XPO6: variants seen among roughly 807,000 people sequenced by gnomAD.
XPO6 encodes the protein exportin 6, also known as exportin-6.
XPO6 carries 3 observed loss-of-function variants against 130.0 expected under a neutral mutation model. The ratio of observed to expected loss-of-function variants is 0.02; its 90% CI spans 0.01 to 0.06. The LOEUF (loss-of-function observed/expected upper bound fraction) is 0.06, where lower values mean the gene tolerates loss of function less well. XPO6 is among the 10% of genes least tolerant of loss of function. The pLI, the probability that XPO6 is intolerant of heterozygous loss-of-function variation, is 1.00. For missense variants in XPO6, 970 were observed against 1,393.0 expected, an observed-to-expected ratio of 0.70 and a Z score of 4.83; for synonymous variants, 524 against 548.9, an observed-to-expected ratio of 0.95 and a Z score of 0.63.
rs2043420725 is a variant in XPO6, at chr16:28,169,831, C to T, written c.484G>A (p.Glu162Lys). 6.2e-7 allele frequency: 1 copy of T among 1,614,082 alleles called. No individual in the cohort carries two copies. The highest frequency in any genetic ancestry group is 1.7e-5 in the Admixed American group (1 of 60,004). Residue 162 changes from glutamate to lysine, a missense_variant, in exon 5 of 24, where the codon GAG (glutamate) becomes AAG (lysine). By Grantham distance (56) the Glu-to-Lys change is moderately conservative. Coordinates refer to ENST00000304658, the MANE Select transcript of XPO6 (RefSeq NM_015171.4). Reference protein sequence around the residue: ...TTSEELACPREDLSVARKEEL... With the variant: ...TTSEELACPRKDLSVARKEEL... Reference sequence around the variant, plus strand: ...TCCTTCCGAGCCACACTGAGGTCCTCACGGGGACAAGCCAGCTCTTCTGAA... The same window carrying T: ...TCCTTCCGAGCCACACTGAGGTCCTTACGGGGACAAGCCAGCTCTTCTGAA...
At chr16:28,209,012 G>A (rs906741312) in intron 1 of XPO6, 2 of 152,232 alleles carry the variant, frequency 1.3e-5, no homozygotes, top group Non-Finnish European at 2.9e-5. Flanking sequence ...TCAAAAGGAA[G>A]GAAGCTCTGA....
chr16:28,166,633 T>C (rs755567201), intron 5 of XPO6, 48 bp from the exon 6 acceptor site: 4 of 1,551,542 alleles, frequency 2.6e-6, no homozygotes, highest in Non-Finnish European at 3.5e-6. Context: ...ATGTCCAGCA[T>C]ATAAAAATCA....
intron 1 of XPO6, among the ~76,000 whole-genome samples, chr16:28,205,880 A>G (rs2044020594): frequency 6.6e-6 from 1 of 151,980 alleles, no homozygotes; most frequent in Non-Finnish European, 1.5e-5. Flanking sequence ...TCTACTAAAA[A>G]TACAAAAATT....
chr16:28,156,920 T>C (rs935545143), intron 6 of XPO6, among the ~76,000 whole-genome samples: 1 of 152,140 alleles, frequency 6.6e-6, no homozygotes, highest in Non-Finnish European at 1.5e-5. Flanking sequence ...TTCCCCCAAA[T>C]CATGACCTTG....
At chr16:28,140,762 CCA>C (rs1383869575) in intron 9 of XPO6, among the ~76,000 whole-genome samples, 1 of 151,542 alleles carries the variant, frequency 6.6e-6, no homozygotes, top group Non-Finnish European at 1.5e-5. Flanking sequence ...CTTATATACA[CCA>C]CAGAGATAAG....
intron 13 of XPO6, among the ~76,000 whole-genome samples, chr16:28,122,700 A>G (rs753011109): frequency 6.6e-6 from 1 of 152,060 alleles, no homozygotes; most frequent in Non-Finnish European, 1.5e-5. Context: ...GGGCTTTTCT[A>G]TAAAATTTGA....
Position 28,156,125 on chromosome 16 carries a change from T to G in XPO6, c.1046A>C (p.Lys349Thr). Residue 349 changes from lysine to threonine, a missense_variant, in exon 7 of 24, where the codon AAG becomes ACG. Lys to Thr is a moderately conservative substitution (Grantham distance 78). Coordinates refer to ENST00000304658, the MANE Select transcript of XPO6 (RefSeq NM_015171.4). The stretch of plus-strand genomic sequence containing the variant: ...CTTCACTGTGTGGGCATTGTTATCC[T>G]TGGTGATTTTCTGCAGGAGGTAGAA... ...QTFYLLQKITKDNNAHTVKSR... is the reference protein window; with the variant it reads ...QTFYLLQKITTDNNAHTVKSR... 1.2e-6 allele frequency: 2 copies of G among 1,613,776 alleles called. No individual in the cohort carries two copies.
intron 5 of XPO6, 106 bp from the exon 6 acceptor site, chr16:28,166,691 A>T: frequency 6.6e-7 from 1 of 1,516,164 alleles, no homozygotes; most frequent in Non-Finnish European, 8.8e-7. Flanking sequence ...TGAGTACTTG[A>T]ACATCCCTTT....
rs146256277 is a variant in XPO6 at position 28,151,056 on chromosome 16, C to G, written c.1224+1603G>C. On this transcript the variant is annotated intron_variant, in intron 8 of 23. Coordinates refer to ENST00000304658, the MANE Select transcript of XPO6 (RefSeq NM_015171.4). Reference sequence around the variant, plus strand: ...CTGGGTCCTCTTCTATTTTCACATGCCAAGATCTTCCTTGAGAAAGGACAG... The same window carrying G: ...CTGGGTCCTCTTCTATTTTCACATGGCAAGATCTTCCTTGAGAAAGGACAG... Among the ~76,000 whole-genome samples, 259 of 151,874 alleles carry G rather than the reference C, an allele frequency of 1.7e-3. 2 individuals are homozygous for G. Among genetic ancestry groups the G allele is most frequent in the African/African-American group, 5.5e-3 (228 of 41,418 alleles).
chr16:28,169,094 G>A (rs1031766300), intron 5 of XPO6, among the ~76,000 whole-genome samples: 4 of 152,144 alleles, frequency 2.6e-5, no homozygotes, highest in African/African-American at 7.2e-5. Flanking sequence ...CCAGGCTCCC[G>A]GCACCCTCAG....
intron 1 of XPO6, among the ~76,000 whole-genome samples, chr16:28,186,714 C>CTGG (rs2043702152): frequency 6.7e-6 from 1 of 149,834 alleles, no homozygotes; most frequent in African/African-American, 2.5e-5. Context: ...TGTATCACCC[C>CTGG]AGACTGGAGT....
chr16:28,107,814 T>C, intron 17 of XPO6, 137 bp from the exon 18 acceptor site: 1 of 937,676 alleles, frequency 1.1e-6, no homozygotes. Flanking sequence ...GAACAGTCTC[T>C]TGATTACAAT....
At chr16:28,109,584 C>T (rs1467812385) in intron 17 of XPO6, among the ~76,000 whole-genome samples, 3 of 152,140 alleles carry the variant, frequency 2.0e-5, no homozygotes, top group Non-Finnish European at 2.9e-5. Flanking sequence ...CCTATGGAAA[C>T]AATCAGGCAA....
chr16:28,166,796 C>T (rs1313275811), intron 5 of XPO6: 51 of 985,272 alleles, frequency 5.2e-5, no homozygotes, highest in Non-Finnish European at 5.7e-5. Context: ...TGTGGTGTGG[C>T]CTCTCCCCAC....
intron 6 of XPO6, 107 bp from the exon 7 acceptor site, chr16:28,156,634 A>G (rs1443925553): frequency 6.0e-6 from 4 of 663,988 alleles, no homozygotes; most frequent in Non-Finnish European, 8.9e-6. Context: ...ACATATATGT[A>G]TCAGTTTAGT....
intron 15 of XPO6, among the ~76,000 whole-genome samples, chr16:28,116,792 G>A (rs1176212987): frequency 2.0e-5 from 3 of 152,122 alleles, no homozygotes; most frequent in South Asian, 2.1e-4. Context: ...ATCACAAATC[G>A]CTGTAAGATA....
rs138954839 is a variant in XPO6, at chr16:28,100,656, G to A, written c.3276+802C>T. Among the ~76,000 whole-genome samples, 282 of 152,322 alleles carry A rather than the reference G, an allele frequency of 1.9e-3. 1 individual carries two copies. Among genetic ancestry groups the A allele is most frequent in the African/African-American group, 6.5e-3 (269 of 41,570 alleles). On this transcript the variant is annotated intron_variant, in intron 23 of 23. Coordinates refer to ENST00000304658, the MANE Select transcript of XPO6 (RefSeq NM_015171.4). ...ACCCCAAGAGGACCAGGGAGAAAGC[G>A]ATTTCTTTTCCTAATTTCATCAAGT... is the stretch of plus-strand genomic sequence containing the variant.
At chr16:28,210,525 A>C (rs2044110858) in intron 1 of XPO6, among the ~76,000 whole-genome samples, 1 of 152,252 alleles carries the variant, frequency 6.6e-6, no homozygotes, top group Non-Finnish European at 1.5e-5. Context: ...TAGACAGATA[A>C]GGCTCAGAAA....
At chr16:28,145,968 A>G (rs965110953) in intron 9 of XPO6, 126 bp downstream of exon 9, 1 of 630,172 alleles carries the variant, frequency 1.6e-6, no homozygotes, top group South Asian at 2.6e-5. Flanking sequence ...GCTCAATGGC[A>G]TTATTGCCTA....
Sources: gnomAD v4.1 joint callset for allele counts (sites outside exome capture counted in the v4.1 genomes callset) on GRCh38, gnomAD v4.1.1 for gene constraint, MANE v1.5 for transcripts, NCBI Gene and HGNC (gene_info 2026-07-23, HGNC 2026-07-21) for gene names.